ABL1: variants seen among roughly 807,000 people sequenced by gnomAD.
The protein encoded by ABL1 is ABL proto-oncogene 1, non-receptor tyrosine kinase.
Under a neutral mutation model 94.7 loss-of-function variants are expected in ABL1, and 11 were observed. The ratio of observed to expected loss-of-function variants is 0.12; its 90% CI spans 0.07 to 0.19. The LOEUF (loss-of-function observed/expected upper bound fraction) is 0.19. ABL1 is among the 10% of genes least tolerant of loss of function. The pLI is 1.00. For missense variants in ABL1, 1,082 were observed against 1,489.4 expected, an observed-to-expected ratio of 0.73 and a Z score of 4.50; for synonymous variants, 656 against 622.4, an observed-to-expected ratio of 1.05 and a Z score of -0.80.
chr9:130,730,046 CTT>C lies in ABL1; in HGVS notation c.136+15604_136+15605del, dbSNP rs138446676. Among the ~76,000 whole-genome samples the C allele has an allele frequency of 9.3e-5, 10 of 107,144 alleles. 1 individual carries two copies. The highest frequency in any genetic ancestry group is 1.1e-4 in the Non-Finnish European group (6 of 53,464). 70.3% of individuals were successfully genotyped at this position (107,144 alleles called of 152,430 possible). ...GCGTGAGCCACTGCGCCCAGCCAGA[CTT>C]TTTTTTTTTTTTGAGATGGAATTCT... On this transcript the variant is annotated intron_variant, in intron 1 of 10. Coordinates refer to the ABL1 transcript ENST00000372348.
At chr9:130,848,678 G>A (rs975096325) in intron 1 of ABL1, among the ~76,000 whole-genome samples, 6 of 150,928 alleles carry the variant, frequency 4.0e-5, no homozygotes, top group South Asian at 2.1e-4. Context: ...GGCTCACGCC[G>A]ATAATCCCAG....
At chr9:130,751,991 T>C (rs548658651) in intron 1 of ABL1, among the ~76,000 whole-genome samples, 2 of 152,356 alleles carry the variant, frequency 1.3e-5, no homozygotes, top group South Asian at 4.1e-4. Flanking sequence ...ATGGAATGGC[T>C]ATGGATTATC....
intron 1 of ABL1, among the ~76,000 whole-genome samples, chr9:130,818,400 G>A (rs1173158034): frequency 6.6e-6 from 1 of 152,156 alleles, no homozygotes; most frequent in African/African-American, 2.4e-5. Context: ...AACCCTGGAG[G>A]AAGAGGTTGC....
At chr9:130,731,911 CT>C (rs11385919) in intron 1 of ABL1, among the ~76,000 whole-genome samples, 8 of 150,022 alleles carry the variant, frequency 5.3e-5, no homozygotes, top group Non-Finnish European at 8.9e-5. Flanking sequence ...TTTCAGGAAA[CT>C]TTTTTTTTTC....
At chr9:130,756,245 G>A (rs933981709) in intron 1 of ABL1, among the ~76,000 whole-genome samples, 12 of 152,088 alleles carry the variant, frequency 7.9e-5, no homozygotes, top group Non-Finnish European at 1.3e-4. Flanking sequence ...TTTGACAGAC[G>A]TGGTTAGCAG....
chr9:130,868,210 G>A (rs911624164), intron 4 of ABL1, among the ~76,000 whole-genome samples: 7 of 152,058 alleles, frequency 4.6e-5, no homozygotes, highest in Non-Finnish European at 7.4e-5. Flanking sequence ...TGCCCTCCTC[G>A]GCCTCCCAAA....
chr9:130,862,669 G>A lies in ABL1; in HGVS notation c.550-94G>A. 1 of 1,393,906 alleles carries A rather than the reference G, an allele frequency of 7.2e-7. No individual in the cohort carries two copies. The allele number at this position is 1,393,906 out of a possible 1,614,324, so 86.3% of individuals were successfully genotyped here. A position where few individuals can be genotyped will look rare whatever the true frequency, so the allele number is the denominator to read the frequency against. ...AGAGCTCCTTATGTGAGATTTTGCT[G>A]TGTAGTGAATTAAGGCTCAGCCAAA... is the stretch of plus-strand genomic sequence containing the variant. On this transcript the variant is annotated intron_variant, in intron 3 of 10. Transcript: ENST00000318560. This position sits in a 1 kb window ranked among gnomAD's most constrained non-coding sequence, Gnocchi z 5.5.
intron 3 of ABL1, among the ~76,000 whole-genome samples, chr9:130,859,172 A>G (rs1831021863): frequency 6.6e-6 from 1 of 152,158 alleles, no homozygotes; most frequent in Non-Finnish European, 1.5e-5. Flanking sequence ...TTAGTTCTGA[A>G]TGTGTCCACA....
rs374448215 is a variant in ABL1 at position 130,822,731 on chromosome 9, AT to A, written c.137-31324del. ...ACCTGTCAATTCAAATCTTTTGCCT[AT>A]TTTTTTTTATTAAGTTTGTGCACTG... On this transcript the variant is annotated intron_variant, in intron 1 of 10. Transcript: ENST00000372348. Among the ~76,000 whole-genome samples the A allele has an allele frequency of 8.7e-5, 13 of 148,932 alleles. 1 individual carries two copies. The highest frequency in any genetic ancestry group is 2.2e-4 in the African/African-American group (9 of 40,456).
At chr9:130,804,298 G>A (rs56285958) in intron 1 of ABL1, among the ~76,000 whole-genome samples, 17 of 151,928 alleles carry the variant, frequency 1.1e-4, no homozygotes, top group African/African-American at 4.1e-4. Flanking sequence ...GGCGGATCTC[G>A]GCAGTGAGCT....
intron 1 of ABL1, among the ~76,000 whole-genome samples, chr9:130,805,280 A>G (rs1443297480): frequency 6.6e-6 from 1 of 152,138 alleles, no homozygotes; most frequent in African/African-American, 2.4e-5. Flanking sequence ...GGGTTTCACA[A>G]TATTGGTCAG....
chr9:130,732,734 G>T (rs2855183), intron 1 of ABL1, among the ~76,000 whole-genome samples: 79,261 of 151,288 alleles, frequency 0.52, 22,375 homozygotes, highest in African/African-American at 0.74. Flanking sequence ...TGGATCCCAC[G>T]CATTTTAGGA....
At chr9:130,746,235 T>A (rs200148890) in intron 1 of ABL1, among the ~76,000 whole-genome samples, 10 of 145,904 alleles carry the variant, frequency 6.9e-5, no homozygotes, top group Middle Eastern at 3.5e-3. Context: ...TTTTTTTTTT[T>A]AATGAATTTA....
At chr9:130,757,496 A>T (rs370182315) in intron 1 of ABL1, among the ~76,000 whole-genome samples, 13 of 144,152 alleles carry the variant, frequency 9.0e-5, no homozygotes, top group East Asian at 6.4e-4. Context: ...TGGGAAGCAG[A>T]GGTTGCAGTG....
In ABL1 at chr9:130,843,254, G is replaced by A. The variant is rs73656054; in HGVS notation, c.79+7729G>A. The stretch of plus-strand genomic sequence containing the variant: ...TATGAGAGACTTGGTCTCTACCCCA[G>A]AGGAGTTTACATTGTTGTGGTGGCA... On this transcript the variant is annotated intron_variant, in intron 1 of 10. Coordinates refer to ENST00000318560, the MANE Select transcript of ABL1 (RefSeq NM_005157.6). Among the ~76,000 whole-genome samples the A allele has an allele frequency of 7.1e-3, 1,088 of 152,308 alleles. 11 individuals are homozygous for A. The highest frequency in any genetic ancestry group is 0.024 in the African/African-American group (1,010 of 41,574).
chr9:130,847,854 T>C (rs1830797321), intron 1 of ABL1, among the ~76,000 whole-genome samples: 1 of 152,158 alleles, frequency 6.6e-6, no homozygotes, highest in African/African-American at 2.4e-5. Context: ...TCTGTCGACA[T>C]GTTCGGGACC....
intron 7 of ABL1, 73 bp from the exon 8 acceptor site, chr9:130,878,342 T>C: frequency 6.4e-7 from 1 of 1,557,298 alleles, no homozygotes; most frequent in Non-Finnish European, 8.8e-7. Flanking sequence ...GCTGCAAAGG[T>C]AACTGATTTT....
At position 130,885,514 on chromosome 9, in the gene ABL1, A is replaced by G. The variant is rs1368430505; in HGVS notation, c.3224A>G (p.Gln1075Arg). The G allele has an allele frequency of 6.2e-7, 1 of 1,614,198 alleles. No homozygotes were observed. ...TGCGTGAGCTATGTGGATTCCATCC[A>G]GCAAATGAGGAACAAGTTTGCCTTC... Reference protein sequence around the residue: ...TFCVSYVDSIQQMRNKFAFRE... With the variant: ...TFCVSYVDSIRQMRNKFAFRE... The change falls in exon 11 of 11, where the codon CAG (glutamine) becomes CGG (arginine). Residue 1075 changes from glutamine to arginine, a missense_variant. Transcript: ENST00000318560.
rs763656395 is a variant in ABL1, at chr9:130,885,638, G to A, written c.3348G>A (p.Lys1116=). Residue 1116 remains lysine, a synonymous_variant, in exon 11 of 11, where the codon AAG becomes AAA. Transcript: ENST00000318560. ...CAGCGGCCACTCAGGACTTCAGCAA[G>A]CTCCTCAGTTCGGTGAAGGAAATCA... ...SGPAATQDFS[K]LLSSVKEISD... is the part of the protein sequence containing the mutation. The A allele has an allele frequency of 2.2e-5, 36 of 1,613,096 alleles. No homozygotes were observed. The highest frequency in any genetic ancestry group is 2.8e-5 in the Non-Finnish European group (33 of 1,179,886).
Sources: gnomAD v4.1 joint callset for allele counts (sites outside exome capture counted in the v4.1 genomes callset) on GRCh38, gnomAD v4.1.1 for gene constraint, Gnocchi (gnomAD v3.1) non-coding constraint, MANE v1.5 for transcripts, NCBI Gene and HGNC (gene_info 2026-07-23, HGNC 2026-07-21) for gene names.